The following NCOA7 variants were observed in gnomAD, a reference collection of about 807,000 sequenced individuals.
NCOA7 encodes the protein 140 kDa estrogen receptor-associated protein.
NCOA7 carries 45 observed loss-of-function variants against 104.3 expected under a neutral mutation model. The observed-to-expected ratio is 0.43, with a 90% CI of 0.34 to 0.55. NCOA7 has a LOEUF of 0.55. Among genes scored for constraint, NCOA7 ranks in the 20% least tolerant of loss-of-function variants. The pLI, the probability that NCOA7 is intolerant of heterozygous loss-of-function variation, is 0.02. For missense variants in NCOA7, 1,041 were observed against 1,119.7 expected (o/e 0.93, Z 1.00); for synonymous variants, 398 against 402.3 (o/e 0.99, Z 0.13).
chr6:125,894,572 C>A (rs770805215), intron 10 of NCOA7, among the ~76,000 whole-genome samples: 7 of 152,068 alleles, frequency 4.6e-5, no homozygotes, highest in African/African-American at 7.3e-5. Context: ...ATAAGGACAA[C>A]GTGAAGTTTA....
At chr6:125,850,635 C>A (rs1562903881) in intron 2 of NCOA7, among the ~76,000 whole-genome samples, 1 of 152,108 alleles carries the variant, frequency 6.6e-6, no homozygotes, top group Admixed American at 6.6e-5. Context: ...TTTAAATCAA[C>A]TTAAAGTGGA....
chr6:125,830,543 T>C (rs1370341726), intron 2 of NCOA7, among the ~76,000 whole-genome samples: 2 of 151,988 alleles, frequency 1.3e-5, no homozygotes, highest in African/African-American at 4.8e-5. Flanking sequence ...TTTTTTAAAT[T>C]ACCAGGCATG....
At chr6:125,910,185 C>G (rs1382185282) in intron 10 of NCOA7, among the ~76,000 whole-genome samples, 3 of 152,104 alleles carry the variant, frequency 2.0e-5, no homozygotes, top group African/African-American at 7.2e-5. Context: ...AATAGGAAAA[C>G]ATCGGGCATA....
chr6:125,868,563 A>C (rs1782623522), intron 3 of NCOA7, among the ~76,000 whole-genome samples: 1 of 152,222 alleles, frequency 6.6e-6, no homozygotes. Flanking sequence ...CCCCTAAACC[A>C]ACCTGTGATC....
Position 125,812,112 on chromosome 6 carries a change from A to G in NCOA7, c.-64-3179A>G, listed in dbSNP as rs573678247. ...AAGATAAAAAGATAACATAGGGATA[A>G]TATGTTGAAGTAAATGGCTGTTGGT... On this transcript the variant is annotated intron_variant, in intron 1 of 15. Transcript: ENST00000392477. 2.0e-5 allele frequency among the ~76,000 whole-genome samples: 3 copies of G among 152,320 alleles called. No homozygotes were observed. In the South Asian group the frequency reaches 6.2e-4, roughly 32 times the overall value.
In NCOA7 at chr6:125,929,044, TTA is replaced by T. The variant is rs1283569792; in HGVS notation, c.*276_*277del. On this transcript the variant is annotated 3_prime_UTR_variant, in exon 16 of 16. Transcript: ENST00000392477. ...TCCATACAGTGAGGAATCAGAGTGT[TTA>T]TAGATATATGAGTTGAATGCAATTT... The T allele has an allele frequency of 6.7e-6, 2 of 299,806 alleles. No individual in the cohort carries two copies. Among genetic ancestry groups the T allele is most frequent in the African/African-American group, 4.3e-5 (2 of 46,152 alleles). The allele number at this position is 299,806 out of a possible 1,614,324, so 18.6% of individuals were successfully genotyped here. A position where few individuals can be genotyped will look rare whatever the true frequency, so the allele number is the denominator to read the frequency against.
At chr6:125,879,714 T>A (rs1029078902) in intron 5 of NCOA7, among the ~76,000 whole-genome samples, 18 of 152,076 alleles carry the variant, frequency 1.2e-4, no homozygotes, top group African/African-American at 4.3e-4. Context: ...AAGATTATAT[T>A]TGGCCGGGCA....
At chr6:125,817,756 G>T (rs1007242815) in intron 2 of NCOA7, among the ~76,000 whole-genome samples, 1 of 152,118 alleles carries the variant, frequency 6.6e-6, no homozygotes, top group Non-Finnish European at 1.5e-5. Context: ...TTTTGATGTG[G>T]TTCAATTTAT....
intron 2 of NCOA7, among the ~76,000 whole-genome samples, chr6:125,824,982 G>A (rs1288064632): frequency 6.6e-6 from 1 of 152,080 alleles, no homozygotes; most frequent in Non-Finnish European, 1.5e-5. Flanking sequence ...ATTGCAGGGA[G>A]TCGAGATCAA....
intron 3 of NCOA7, among the ~76,000 whole-genome samples, chr6:125,873,796 G>C (rs1207425507): frequency 6.6e-6 from 1 of 152,110 alleles, no homozygotes; most frequent in Admixed American, 6.6e-5. Context: ...ATTTTACCAG[G>C]CTAATAGGTA....
intron 2 of NCOA7, among the ~76,000 whole-genome samples, chr6:125,845,581 C>T (rs1780532195): frequency 6.6e-6 from 1 of 152,152 alleles, no homozygotes; most frequent in Non-Finnish European, 1.5e-5. Context: ...AGAGACCATC[C>T]TGGTCAACAT....
At chr6:125,925,967 T>C (rs183785572) in intron 13 of NCOA7, among the ~76,000 whole-genome samples, 76 of 152,278 alleles carry the variant, frequency 5.0e-4, no homozygotes, top group Non-Finnish European at 8.4e-4. Flanking sequence ...AATTCCCCAA[T>C]ATCATCCAGC....
intron 2 of NCOA7, among the ~76,000 whole-genome samples, chr6:125,846,296 GA>G (rs1303376871): frequency 6.6e-6 from 1 of 151,068 alleles, no homozygotes; most frequent in Non-Finnish European, 1.5e-5. Flanking sequence ...GTGAGACTTA[GA>G]AAAAACATAG....
intron 10 of NCOA7, among the ~76,000 whole-genome samples, chr6:125,902,111 G>A (rs563917403): frequency 6.6e-6 from 1 of 151,994 alleles, no homozygotes. Context: ...AGTAACATTT[G>A]GGGGGAAAAA....
Position 125,889,813 on chromosome 6 carries a change from G to C in NCOA7, c.1759G>C (p.Glu587Gln). 1.9e-6 allele frequency: 3 copies of C among 1,613,096 alleles called. No individual in the cohort carries two copies. In the East Asian group the frequency reaches 6.7e-5, roughly 36 times the overall value. ...EPDKTWVKKG[E>Q]PLPVKLNSST... ...AGATAAGACCTGGGTGAAAAAGGGAGAGCCCCTCCCGGTAAAACTGAACTC... is the reference window on the plus strand; with the variant it reads ...AGATAAGACCTGGGTGAAAAAGGGACAGCCCCTCCCGGTAAAACTGAACTC... The change falls in exon 9 of 16, where the codon GAG becomes CAG. Residue 587 changes from glutamate (E) to glutamine (Q), a missense_variant. Coordinates refer to ENST00000392477, the MANE Select transcript of NCOA7 (RefSeq NM_181782.5).
In NCOA7 at chr6:125,900,568, A is replaced by G. The variant is rs556437731; in HGVS notation, c.2096+9758A>G. On this transcript the variant is annotated intron_variant, in intron 10 of 15. Coordinates refer to ENST00000392477, the MANE Select transcript of NCOA7 (RefSeq NM_181782.5). ...GATGTTCAACCTGATGATTTCATGT[A>G]TGTGTACATTGTGAAATATACATCA... Among the ~76,000 whole-genome samples the G allele has an allele frequency of 2.0e-5, 3 of 152,316 alleles. No individual in the cohort carries two copies. The East Asian group carries it at 5.8e-4, about 29-fold the overall frequency.
At chr6:125,838,985 C>T (rs1779870695) in intron 2 of NCOA7, among the ~76,000 whole-genome samples, 1 of 152,148 alleles carries the variant, frequency 6.6e-6, no homozygotes, top group South Asian at 2.1e-4. Flanking sequence ...TCTCTGGGTG[C>T]ACCACCTTCG....
At chr6:125,822,780 C>T (rs534244388) in intron 2 of NCOA7, among the ~76,000 whole-genome samples, 1 of 151,882 alleles carries the variant, frequency 6.6e-6, no homozygotes, top group East Asian at 1.9e-4. Context: ...ACTAAAAATA[C>T]AAAAATTAGC....
At chr6:125,878,083 T>C (rs1783523569) in intron 4 of NCOA7, among the ~76,000 whole-genome samples, 180 bp from the exon 5 acceptor site, 1 of 152,246 alleles carries the variant, frequency 6.6e-6, no homozygotes, top group Non-Finnish European at 1.5e-5. Context: ...GAATTGCATT[T>C]AAGACTTTGC....
Sources: allele counts gnomAD v4.1 joint callset (sites outside exome capture counted in the v4.1 genomes callset), GRCh38; gene constraint gnomAD v4.1.1; transcripts MANE v1.5; gene names NCBI Gene and HGNC (gene_info 2026-07-23, HGNC 2026-07-21).